The following MAP4 variants were observed in gnomAD, a reference collection of about 807,000 sequenced individuals.
MAP4 encodes the protein microtubule associated protein 4, also known as microtubule-associated protein 4.
A neutral mutation model predicts 170.2 loss-of-function variants in MAP4; 76 were observed. The ratio of observed to expected loss-of-function variants is 0.45; its 90% CI spans 0.37 to 0.54. The LOEUF is 0.54. MAP4 is among the 20% of genes least tolerant of loss of function. The pLI is 0.00. For synonymous variants in MAP4, 909 were observed against 994.5 expected (o/e 0.91, Z 1.62); for missense variants, 2,506 against 2,748.0 (o/e 0.91, Z 1.97).
At chr3:47,886,973 GCTA>G (rs2097697487) in intron 10 of MAP4, among the ~76,000 whole-genome samples, 1 of 152,238 alleles carries the variant, frequency 6.6e-6, no homozygotes, top group Non-Finnish European at 1.5e-5. Context: ...CTGACCTGGA[GCTA>G]CTTTATCTGC....
intron 8 of MAP4, among the ~76,000 whole-genome samples, chr3:47,914,564 AACG>A (rs2100037587): frequency 6.6e-6 from 1 of 151,172 alleles, no homozygotes; most frequent in African/African-American, 2.4e-5. Context: ...AAAAAAAAAC[AACG>A]ACAACAACAA....
At chr3:47,946,544 CTCA>C (rs753096430) in intron 3 of MAP4, among the ~76,000 whole-genome samples, 13 of 149,492 alleles carry the variant, frequency 8.7e-5, no homozygotes, top group Non-Finnish European at 1.3e-4. Context: ...ATCCCAGCTA[CTCA>C]TGAGGCTGAG....
In MAP4 at chr3:47,871,210, G is replaced by A. The variant is rs760434659; in HGVS notation, c.6001+17C>T. ...GGTTCAAGTTAGGGCTCTACAAAAT[G>A]GCGGATGGGCTATTACCTGGTACAG... On this transcript the variant is annotated intron_variant, in intron 14 of 20. Transcript: ENST00000683076. The A allele has an allele frequency of 6.2e-7, 1 of 1,614,114 alleles. No homozygotes were observed. Among genetic ancestry groups the A allele is most frequent in the Non-Finnish European group, 8.5e-7 (1 of 1,179,946 alleles).
intron 3 of MAP4, among the ~76,000 whole-genome samples, chr3:47,946,754 T>C (rs957613872): frequency 6.6e-6 from 1 of 150,862 alleles, no homozygotes; most frequent in African/African-American, 2.4e-5. Flanking sequence ...TGATGTGATA[T>C]ACAAAACAGG....
chr3:47,975,461 G>A (rs1410054082), intron 3 of MAP4: 3 of 1,568,898 alleles, frequency 1.9e-6, no homozygotes, highest in Middle Eastern at 1.7e-4. Context: ...AGACACGCTA[G>A]GCTTCTAGGA....
At chr3:47,953,236 A>G (rs2100065632) in intron 3 of MAP4, among the ~76,000 whole-genome samples, 1 of 152,184 alleles carries the variant, frequency 6.6e-6, no homozygotes, top group South Asian at 2.1e-4. Flanking sequence ...AAAAAAACAC[A>G]AAACAACAAC....
At chr3:47,900,515 G>C (rs1458379563) in intron 10 of MAP4, among the ~76,000 whole-genome samples, 2 of 152,120 alleles carry the variant, frequency 1.3e-5, no homozygotes, top group Admixed American at 6.5e-5. Context: ...TGAGGCAGGC[G>C]CATCACCTGC....
At chr3:48,024,020 T>C (rs1463008335) in intron 1 of MAP4, among the ~76,000 whole-genome samples, 1 of 151,986 alleles carries the variant, frequency 6.6e-6, no homozygotes, top group African/African-American at 2.4e-5. Context: ...GAATAAAGAA[T>C]CAAAAAATGG....
At chr3:47,920,607 A>C (rs911938306) in intron 5 of MAP4, among the ~76,000 whole-genome samples, 1 of 144,644 alleles carries the variant, frequency 6.9e-6, no homozygotes, top group Non-Finnish European at 1.5e-5. Context: ...GCTGGAGTAC[A>C]GTGGCATGAT....
At chr3:48,028,450 G>T (rs1452883212) in intron 1 of MAP4, among the ~76,000 whole-genome samples, 6 of 152,048 alleles carry the variant, frequency 3.9e-5, no homozygotes, top group Non-Finnish European at 8.8e-5. Flanking sequence ...AGACAGGAAA[G>T]GTGTGAGAGG....
At chr3:47,992,440 T>A (rs2100092893) in intron 2 of MAP4, among the ~76,000 whole-genome samples, 3 of 152,090 alleles carry the variant, frequency 2.0e-5, no homozygotes, top group African/African-American at 2.4e-5. Context: ...TATTATTATT[T>A]TTAGAGACGG....
At chr3:47,936,942 T>C (rs532341007) in intron 3 of MAP4, among the ~76,000 whole-genome samples, 4 of 145,668 alleles carry the variant, frequency 2.7e-5, no homozygotes, top group Middle Eastern at 3.6e-3. Context: ...ATCGCGCCAC[T>C]GCACTCCGGC....
intron 3 of MAP4, among the ~76,000 whole-genome samples, chr3:47,937,271 T>G (rs2100053514): frequency 6.6e-6 from 1 of 152,186 alleles, no homozygotes; most frequent in African/African-American, 2.4e-5. Flanking sequence ...ACTTGGTCAT[T>G]TAAGTAGATG....
At chr3:47,930,167 C>T (rs535803667) in intron 3 of MAP4, among the ~76,000 whole-genome samples, 34 of 152,088 alleles carry the variant, frequency 2.2e-4, no homozygotes, top group Non-Finnish European at 4.0e-4. Context: ...AAAGACAGGC[C>T]GGGCGCGGTG....
At chr3:48,016,864 C>T (rs1277252564), upstream of MAP4, among the ~76,000 whole-genome samples, 1 of 152,038 alleles carries the variant, frequency 6.6e-6, no homozygotes, top group African/African-American at 2.4e-5. Flanking sequence ...ACAACCTCCG[C>T]CTCCTGGGTT....
intron 1 of MAP4, among the ~76,000 whole-genome samples, chr3:48,032,127 G>C (rs1057132587): frequency 1.1e-4 from 16 of 152,190 alleles, no homozygotes; most frequent in Admixed American, 5.2e-4. Context: ...GGAGGTGTAA[G>C]AAACTGTCAT....
intron 2 of MAP4, among the ~76,000 whole-genome samples, chr3:47,981,662 GGCTGAA>G (rs1003654365): frequency 2.0e-5 from 3 of 151,732 alleles, no homozygotes; most frequent in African/African-American, 7.3e-5. Context: ...CTACTCTAGA[GGCTGAA>G]GCACAAGAAT....
chr3:48,013,272 A>C (rs1260959471), intron 1 of MAP4, among the ~76,000 whole-genome samples: 1 of 152,060 alleles, frequency 6.6e-6, no homozygotes, highest in African/African-American at 2.4e-5. Flanking sequence ...GGATCAAAAA[A>C]TGAACCCTTG....
At chr3:48,027,100 C>T (rs147502120) in intron 1 of MAP4, among the ~76,000 whole-genome samples, 139 of 152,290 alleles carry the variant, frequency 9.1e-4, no homozygotes, top group African/African-American at 3.2e-3. Flanking sequence ...CTAGAGAAAA[C>T]ATAATAGTCT....
Sources: gnomAD v4.1 joint callset for allele counts (sites outside exome capture counted in the v4.1 genomes callset) on GRCh38, gnomAD v4.1.1 for gene constraint, MANE v1.5 for transcripts, NCBI Gene and HGNC (gene_info 2026-07-23, HGNC 2026-07-21) for gene names.